Variants in TBXAS1 observed in about 807,000 individuals in gnomAD.
The protein encoded by TBXAS1 is thromboxane-A synthase.
TBXAS1 carries 48 observed loss-of-function variants against 60.7 expected under a neutral mutation model. That is an observed-to-expected ratio of 0.79 (90% CI 0.63 to 1.01). The LOEUF (loss-of-function observed/expected upper bound fraction) is 1.01. Ranked by LOEUF, TBXAS1 falls within the 50% of genes least tolerant of loss-of-function variation. The pLI is 0.00. For synonymous variants in TBXAS1, 287 were observed against 269.7 expected, an observed-to-expected ratio of 1.06 and a Z score of -0.63; for missense variants, 685 against 686.3, an observed-to-expected ratio of 1.00 and a Z score of 0.02.
At chr7:139,829,056 C>T (rs1025006201), upstream of TBXAS1, 60 of 410,562 alleles carry the variant, frequency 1.5e-4, no homozygotes, top group Admixed American at 1.6e-3. Flanking sequence ...AGTACAAGTC[C>T]GTGGTTACAA....
In TBXAS1 at chr7:139,979,434, T is replaced by C. The variant is rs566365838; in HGVS notation, c.1134+17201T>C. 5.9e-5 allele frequency among the ~76,000 whole-genome samples: 9 copies of C among 151,756 alleles called. No individual in the cohort carries two copies. The South Asian group carries it at 1.9e-3, about 32-fold the overall frequency. ...ACAGATCAAACAACAGAAAAATAAA[T>C]AGCAAAAGACTTCAGGGCTCGATGG... On this transcript the variant is annotated intron_variant, in intron 9 of 12. Coordinates refer to ENST00000448866, the MANE Select transcript of TBXAS1 (RefSeq NM_001061.7).
At chr7:139,979,760 TAATAATA>T (rs911056329) in intron 9 of TBXAS1, among the ~76,000 whole-genome samples, 4 of 142,140 alleles carry the variant, frequency 2.8e-5, no homozygotes, top group South Asian at 2.1e-4. Flanking sequence ...ATAATAATAA[TAATAATA>T]AATAAATAGC....
At chr7:139,783,907 T>A (rs1797083007) in intron 3 of TBXAS1, among the ~76,000 whole-genome samples, 1 of 152,124 alleles carries the variant, frequency 6.6e-6, no homozygotes, top group Non-Finnish European at 1.5e-5. Flanking sequence ...CTGCTTGATC[T>A]CTAAGCAAAC....
chr7:139,826,023 A>T (rs774854297), upstream of TBXAS1, among the ~76,000 whole-genome samples: 13 of 151,758 alleles, frequency 8.6e-5, no homozygotes, highest in Non-Finnish European at 2.9e-5. Context: ...CCTTTAAGAT[A>T]TTTTTTTTCT....
At chr7:139,889,563 T>A (rs750006000) in intron 3 of TBXAS1, among the ~76,000 whole-genome samples, 17 of 152,194 alleles carry the variant, frequency 1.1e-4, no homozygotes, top group African/African-American at 2.4e-4. Context: ...ATAGACTGGG[T>A]GGCTTATGAA....
At chr7:140,017,256 G>T (rs1006355044) in intron 11 of TBXAS1, among the ~76,000 whole-genome samples, 9 of 152,194 alleles carry the variant, frequency 5.9e-5, no homozygotes, top group Non-Finnish European at 1.0e-4. Context: ...CCGGTACCCT[G>T]CCAAGGAAGC....
At chr7:139,795,995 C>G (rs1797557784) in intron 4 of TBXAS1, among the ~76,000 whole-genome samples, 1 of 152,094 alleles carries the variant, frequency 6.6e-6, no homozygotes, top group Non-Finnish European at 1.5e-5. Context: ...TGATGAATGC[C>G]TTGGACCCTG....
At chr7:140,005,445 A>C (rs1334923505) in intron 9 of TBXAS1, among the ~76,000 whole-genome samples, 1 of 152,106 alleles carries the variant, frequency 6.6e-6, no homozygotes, top group Non-Finnish European at 1.5e-5. Flanking sequence ...AAAATAAATA[A>C]ATAAAAGATA....
chr7:139,802,813 G>A (rs929471803), intron 4 of TBXAS1, among the ~76,000 whole-genome samples: 64 of 151,892 alleles, frequency 4.2e-4, no homozygotes, highest in African/African-American at 1.5e-3. Flanking sequence ...AAGAGGAAGA[G>A]GAAGAAGAAA....
At position 139,911,323 on chromosome 7, in the gene TBXAS1, T is replaced by C. The variant is rs747387551; in HGVS notation, c.333+2T>C. 1.1e-5 allele frequency: 17 copies of C among 1,612,884 alleles called. No homozygotes were observed. The East Asian group carries it at 2.9e-4, about 27-fold the overall frequency. On this transcript the variant is annotated splice_donor_variant, in intron 4 of 12. Coordinates refer to ENST00000448866, the MANE Select transcript of TBXAS1 (RefSeq NM_001061.7). LOFTEE classifies it high-confidence loss of function. ...TTCAGTAACTTTACCAACAGAATGG[T>C]ACGTAGTTTTCTTTCCGCATATAGA...
intron 5 of TBXAS1, among the ~76,000 whole-genome samples, chr7:139,952,165 T>A (rs1243051538): frequency 6.6e-6 from 1 of 152,104 alleles, no homozygotes; most frequent in Non-Finnish European, 1.5e-5. Flanking sequence ...TTAGACGAAG[T>A]CAGATTTTGC....
chr7:139,784,234 C>G (rs1479019659), intron 3 of TBXAS1, among the ~76,000 whole-genome samples: 2 of 144,852 alleles, frequency 1.4e-5, no homozygotes, highest in Admixed American at 7.0e-5. Context: ...TTCTCTCTCT[C>G]TCTCTCTTCC....
At position 139,947,810 on chromosome 7, in the gene TBXAS1, G is replaced by A. The variant is rs554336222; in HGVS notation, c.451-5558G>A. On this transcript the variant is annotated intron_variant, in intron 5 of 12. Coordinates refer to ENST00000448866, the MANE Select transcript of TBXAS1 (RefSeq NM_001061.7). ...AGCTTGGCTACTGCACTGCAACCCC[G>A]GTCTTAGCTTGGGCTGTCATAACCA... 2.4e-3 allele frequency among the ~76,000 whole-genome samples: 362 copies of A among 152,184 alleles called. 1 individual carries two copies. The highest frequency in any genetic ancestry group is 2.7e-3 in the Non-Finnish European group (182 of 68,024).
chr7:139,821,570 G>A (rs934158963), intron 4 of TBXAS1, among the ~76,000 whole-genome samples: 6 of 152,220 alleles, frequency 3.9e-5, no homozygotes, highest in Non-Finnish European at 8.8e-5. Flanking sequence ...CCTTGAAGCA[G>A]AGCGATAGCT....
intron 3 of TBXAS1, among the ~76,000 whole-genome samples, chr7:139,783,879 C>G (rs936852569): frequency 1.3e-5 from 2 of 152,076 alleles, no homozygotes; most frequent in Admixed American, 6.6e-5. Flanking sequence ...AATCGCATGC[C>G]CTTTCTTAGC....
intron 4 of TBXAS1, among the ~76,000 whole-genome samples, chr7:139,915,365 G>A (rs1396106628): frequency 6.6e-6 from 1 of 152,088 alleles, no homozygotes; most frequent in Non-Finnish European, 1.5e-5. Context: ...TTACTTAAGC[G>A]TTCAGCAATT....
chr7:139,956,930 T>G (rs1194656804), intron 7 of TBXAS1, among the ~76,000 whole-genome samples: 2 of 152,260 alleles, frequency 1.3e-5, no homozygotes, highest in Non-Finnish European at 2.9e-5. Flanking sequence ...TGTCTGGAGA[T>G]GTTCTCCCCA....
intron 3 of TBXAS1, among the ~76,000 whole-genome samples, chr7:139,891,988 G>A (rs778233349): frequency 1.1e-4 from 16 of 152,150 alleles, no homozygotes; most frequent in Non-Finnish European, 1.9e-4. Context: ...GCCCATCAAA[G>A]TAAAAAATTG....
intron 7 of TBXAS1, among the ~76,000 whole-genome samples, chr7:139,956,738 G>A (rs1809896829): frequency 6.6e-6 from 1 of 152,248 alleles, no homozygotes; most frequent in Admixed American, 6.5e-5. Context: ...GATCTTGGAG[G>A]CAGCGCAGGC....
Sources: allele counts gnomAD v4.1 joint callset (sites outside exome capture counted in the v4.1 genomes callset), GRCh38; gene constraint gnomAD v4.1.1; transcripts MANE v1.5; gene names NCBI Gene and HGNC (gene_info 2026-07-23, HGNC 2026-07-21).